Variants in FLYWCH1 observed in about 807,000 individuals in gnomAD.
FLYWCH1 encodes the protein FLYWCH-type zinc finger-containing protein 1.
In FLYWCH1, 75 loss-of-function variants were observed where a neutral mutation model predicts 66.4. The ratio of observed to expected loss-of-function variants is 1.13; its 90% CI spans 0.94 to 1.37. The LOEUF is 1.37. Among genes scored for constraint, FLYWCH1 ranks in the 40% most tolerant of loss-of-function variants. The pLI is 0.00. For synonymous variants in FLYWCH1, 595 were observed against 429.9 expected, an observed-to-expected ratio of 1.38 and a Z score of -4.75; for missense variants, 1,334 against 1,001.8, an observed-to-expected ratio of 1.33 and a Z score of -4.48.
Position 2,930,710 on chromosome 16 carries a change from G to T in FLYWCH1, c.626G>T (p.Gly209Val), listed in dbSNP as rs1293136595. The change falls in exon 4 of 10, where the codon GGA becomes GTA. Residue 209 changes from glycine to valine, a missense_variant. Coordinates refer to ENST00000253928, the MANE Select transcript of FLYWCH1 (RefSeq NM_001308068.2). Reference sequence around the variant, plus strand: ...GAGCCCCAGGGTCCTGAGGGCCCTGGAGGCCGAGTGGAGGAGCCCCTGGAG... The same window carrying T: ...GAGCCCCAGGGTCCTGAGGGCCCTGTAGGCCGAGTGGAGGAGCCCCTGGAG... ...LGEPQGPEGP[G>V]GRVEEPLEGV... is the part of the protein sequence containing the mutation. 6.5e-7 allele frequency: 1 copy of T among 1,545,448 alleles called. No homozygotes were observed. Among genetic ancestry groups the T allele is most frequent in the Non-Finnish European group, 8.7e-7 (1 of 1,148,752 alleles).
intron 6 of FLYWCH1, chr16:2,936,457 C>G (rs1323077240): frequency 4.5e-6 from 2 of 447,610 alleles, no homozygotes; most frequent in South Asian, 1.6e-5. Context: ...CTCCCGCCCC[C>G]CGCTGGCCTC....
intron 2 of FLYWCH1, among the ~76,000 whole-genome samples, chr16:2,919,357 C>G (rs1350127877): frequency 6.6e-6 from 1 of 151,822 alleles, no homozygotes; most frequent in Non-Finnish European, 1.5e-5. Flanking sequence ...CCTCTGCCCC[C>G]TGGGTTCAAG....
chr16:2,937,012 C>T (rs778668545), intron 6 of FLYWCH1, 109 bp from the exon 7 acceptor site: 28 of 1,309,686 alleles, frequency 2.1e-5, no homozygotes, highest in Non-Finnish European at 2.7e-5. Context: ...GGGGCCACCT[C>T]ACTGTGAGGA....
At chr16:2,939,953 A>G in intron 8 of FLYWCH1, 79 bp from the exon 9 acceptor site, 4 of 1,514,474 alleles carry the variant, frequency 2.6e-6, no homozygotes, top group Non-Finnish European at 2.7e-6. Context: ...GGCGTCGTTA[A>G]CAAGGTGTGT....
chr16:2,946,543 G>A (rs1054717863), intron 9 of FLYWCH1, among the ~76,000 whole-genome samples: 2 of 151,790 alleles, frequency 1.3e-5, no homozygotes, highest in Admixed American at 6.6e-5. Context: ...GGCTGGTCTC[G>A]TACTCTTGAC....
chr16:2,946,959 A>G (rs1213341314), intron 9 of FLYWCH1, among the ~76,000 whole-genome samples: 1 of 152,186 alleles, frequency 6.6e-6, no homozygotes, highest in African/African-American at 2.4e-5. Context: ...TGTTCAACAT[A>G]GAGGTACCCT....
intron 9 of FLYWCH1, among the ~76,000 whole-genome samples, chr16:2,946,235 C>G (rs1426559489): frequency 1.3e-5 from 2 of 152,024 alleles, no homozygotes. Flanking sequence ...CTTTAGGCCT[C>G]CACGTTCACT....
At chr16:2,936,544 T>C in intron 6 of FLYWCH1, 1 of 437,950 alleles carries the variant, frequency 2.3e-6, no homozygotes, top group Non-Finnish European at 4.5e-6. Flanking sequence ...CCAGGCCACC[T>C]CCCCACCTCT....
At chr16:2,913,873 T>TC (rs1244712757) in intron 1 of FLYWCH1, among the ~76,000 whole-genome samples, 1 of 150,614 alleles carries the variant, frequency 6.6e-6, no homozygotes, top group African/African-American at 2.4e-5. Flanking sequence ...AAAAATTTTT[T>TC]TAGTAGAAAT....
chr16:2,934,059 C>T (rs1035491193), intron 6 of FLYWCH1, 80 bp downstream of exon 6: 12 of 1,410,910 alleles, frequency 8.5e-6, no homozygotes, highest in Non-Finnish European at 1.1e-5. Flanking sequence ...CATGCTGCGG[C>T]TCCCCCTGGC....
rs2070723934 is a variant in FLYWCH1 at position 2,930,524 on chromosome 16, G to T, written c.440G>T (p.Cys147Phe). The change falls in exon 4 of 10, where the codon TGC becomes TTC. Residue 147 changes from cysteine to phenylalanine, a missense_variant. By Grantham distance (205) the Cys-to-Phe change is radical. Coordinates refer to ENST00000253928, the MANE Select transcript of FLYWCH1 (RefSeq NM_001308068.2). ...KAVGDKVYWK[C>F]RQHAELGCRG... ...GTGGGGGACAAGGTGTACTGGAAGT[G>T]CCGCCAACATGCTGAGCTGGGCTGC... 1 of 1,544,736 alleles carries T rather than the reference G, an allele frequency of 6.5e-7. No homozygotes were observed. Among genetic ancestry groups the T allele is most frequent in the Non-Finnish European group, 8.7e-7 (1 of 1,150,242 alleles).
chr16:2,933,285 A>AGTG lies in FLYWCH1; in HGVS notation c.952_953insGTG (p.Thr318delinsSerAla). 6.2e-7 allele frequency: 1 copy of AGTG among 1,612,394 alleles called. No individual in the cohort carries two copies. ...GCACGGCTGCCGGAGCCGGGCCATC[A>AGTG]CCCAGGGACAGCGGGTGACTGTGAT... On this transcript the variant is annotated protein_altering_variant, in exon 5 of 10. Coordinates refer to ENST00000253928, the MANE Select transcript of FLYWCH1 (RefSeq NM_001308068.2).
chr16:2,942,860 C>T (rs1205493341), intron 9 of FLYWCH1, among the ~76,000 whole-genome samples: 1 of 151,684 alleles, frequency 6.6e-6, no homozygotes, highest in Non-Finnish European at 1.5e-5. Flanking sequence ...CACCACCACG[C>T]TCAGCTAATT....
chr16:2,947,725 G>A (rs2071542253), intron 9 of FLYWCH1, among the ~76,000 whole-genome samples: 1 of 146,132 alleles, frequency 6.8e-6, no homozygotes, highest in Non-Finnish European at 1.5e-5. Flanking sequence ...TTGCGCCATT[G>A]CACTCCAGCT....
intron 4 of FLYWCH1, among the ~76,000 whole-genome samples, chr16:2,931,884 T>C (rs1259419799): frequency 2.6e-5 from 4 of 151,742 alleles, no homozygotes; most frequent in East Asian, 1.9e-4. Flanking sequence ...GAGGTCGAGG[T>C]GGGCGGATCA....
chr16:2,923,087 G>T (rs36122103), intron 2 of FLYWCH1: 91,452 of 412,550 alleles, frequency 0.22, 10,803 homozygotes, highest in Admixed American at 0.31. Context: ...TTTATAGTTT[G>T]TTTTGTGTGT....
At chr16:2,938,049 G>C in intron 7 of FLYWCH1, 135 bp from the exon 8 acceptor site, 1 of 842,932 alleles carries the variant, frequency 1.2e-6, no homozygotes, top group Non-Finnish European at 1.8e-6. Context: ...GAGGGGAGGA[G>C]GGCAGGGACC....
chr16:2,936,777 T>C (rs1346987306), intron 6 of FLYWCH1: 1 of 514,498 alleles, frequency 1.9e-6, no homozygotes, highest in Non-Finnish European at 3.8e-6. Flanking sequence ...GGGTCATTCC[T>C]CTGACCAACC....
At chr16:2,936,054 T>G in intron 6 of FLYWCH1, 1 of 231,044 alleles carries the variant, frequency 4.3e-6, no homozygotes, top group Admixed American at 5.2e-5. Context: ...GGATTACAGG[T>G]GCACACCACC....
Sources: gnomAD v4.1 joint callset for allele counts (sites outside exome capture counted in the v4.1 genomes callset) on GRCh38, gnomAD v4.1.1 for gene constraint, MANE v1.5 for transcripts, NCBI Gene and HGNC (gene_info 2026-07-23, HGNC 2026-07-21) for gene names.